The following CCDC88C variants were observed in gnomAD, a reference collection of about 807,000 sequenced individuals.
CCDC88C encodes the protein protein Daple.
A neutral mutation model predicts 198.8 loss-of-function variants in CCDC88C; 131 were observed. The ratio of observed to expected loss-of-function variants is 0.66; its 90% CI spans 0.57 to 0.76. The LOEUF is 0.76. Ranked by LOEUF, CCDC88C falls within the 30% of genes least tolerant of loss-of-function variation. The pLI, the probability that CCDC88C is intolerant of heterozygous loss-of-function variation, is 0.00. For missense variants in CCDC88C, 2,553 were observed against 2,631.6 expected (o/e 0.97, Z 0.65); for synonymous variants, 1,166 against 1,114.7 (o/e 1.05, Z -0.92).
chr14:91,405,309 A>G (rs1005289078), intron 3 of CCDC88C, among the ~76,000 whole-genome samples: 1 of 152,178 alleles, frequency 6.6e-6, no homozygotes, highest in Non-Finnish European at 1.5e-5. Flanking sequence ...AACAAAACCC[A>G]GAGCCAGAAT....
At position 91,273,477 on chromosome 14, in the gene CCDC88C, C is replaced by A; in HGVS notation, c.5235G>T (p.Leu1745=). ...TTGGCTTTACGTACTGCCCGGGCTTCAGCGGCCTCCCCTCCGAGGTGGGGG... is the reference window on the plus strand; with the variant it reads ...TTGGCTTTACGTACTGCCCGGGCTTAAGCGGCCTCCCCTCCGAGGTGGGGG... ...MAAPTSEGRP[L]KPGQYVKPNF... Residue 1745 remains leucine (L), a synonymous_variant, in exon 30 of 30, where the codon CTG becomes CTT. Transcript: ENST00000389857. The surrounding 1 kb of genome is among the most constrained non-coding windows in gnomAD (Gnocchi z 5.6). The A allele has an allele frequency of 6.4e-7, 1 of 1,565,384 alleles. No homozygotes were observed. The highest frequency in any genetic ancestry group is 8.7e-7 in the Non-Finnish European group (1 of 1,153,940).
At chr14:91,291,431 C>T (rs564275710) in intron 23 of CCDC88C, among the ~76,000 whole-genome samples, 1 of 152,186 alleles carries the variant, frequency 6.6e-6, no homozygotes, top group Non-Finnish European at 1.5e-5. Flanking sequence ...TGGGGTCAGG[C>T]AGAACCTACC....
chr14:91,326,165 C>A (rs1892575763), intron 10 of CCDC88C, 109 bp from the exon 11 acceptor site: 2 of 967,156 alleles, frequency 2.1e-6, no homozygotes, highest in South Asian at 1.6e-5. Flanking sequence ...AGCAAACAAT[C>A]TAGAGGGAAG....
chr14:91,329,602 T>A (rs1157214083), intron 10 of CCDC88C, among the ~76,000 whole-genome samples: 1 of 152,002 alleles, frequency 6.6e-6, no homozygotes, highest in African/African-American at 2.4e-5. Flanking sequence ...CAGGCAAGCA[T>A]CAAGGTCTGG....
rs77457453 is a variant in CCDC88C, at chr14:91,346,715, A to C, written c.341-3058T>G. On this transcript the variant is annotated intron_variant, in intron 4 of 29. Transcript: ENST00000389857. ...GGAGTTCGAAACCAGCCTGGCCAAC[A>C]TGGTGAAACCTCGACTCTACCAAAG... Among the ~76,000 whole-genome samples the C allele has an allele frequency of 1.7e-3, 256 of 152,290 alleles. 3 individuals are homozygous for C. In the East Asian group the frequency reaches 0.032, roughly 19 times the overall value.
intron 5 of CCDC88C, 112 bp downstream of exon 5, chr14:91,343,487 T>C: frequency 6.6e-7 from 1 of 1,507,590 alleles, no homozygotes; most frequent in Non-Finnish European, 8.9e-7. Flanking sequence ...TCTGTCATAT[T>C]GGACTGAAAG....
intron 10 of CCDC88C, among the ~76,000 whole-genome samples, chr14:91,331,084 G>T (rs1892804390): frequency 6.7e-6 from 1 of 148,742 alleles, no homozygotes; most frequent in African/African-American, 2.5e-5. Flanking sequence ...CCCTTTACTG[G>T]CAAGAGTGGC....
intron 4 of CCDC88C, among the ~76,000 whole-genome samples, chr14:91,349,828 G>A (rs996559013): frequency 2.0e-5 from 3 of 152,214 alleles, no homozygotes; most frequent in East Asian, 3.8e-4. Flanking sequence ...GATAGCACAC[G>A]TTTCTAAGGG....
chr14:91,316,461 C>T (rs1429187017), intron 13 of CCDC88C, among the ~76,000 whole-genome samples: 1 of 150,922 alleles, frequency 6.6e-6, no homozygotes, highest in Non-Finnish European at 1.5e-5. Context: ...TTGCTCTTGT[C>T]GCCCAGGATG....
chr14:91,359,555 G>A, intron 4 of CCDC88C, 87 bp downstream of exon 4: 2 of 1,045,222 alleles, frequency 1.9e-6, no homozygotes. Flanking sequence ...GGCCCAAGCT[G>A]GCAGCCGGAG....
intron 3 of CCDC88C, among the ~76,000 whole-genome samples, chr14:91,366,351 T>C (rs1319983071): frequency 6.6e-6 from 1 of 152,106 alleles, no homozygotes; most frequent in Admixed American, 6.5e-5. Flanking sequence ...CCAGGCACAG[T>C]GGCATGTGCC....
intron 17 of CCDC88C, among the ~76,000 whole-genome samples, chr14:91,307,527 T>A (rs1341885698): frequency 1.3e-5 from 2 of 152,164 alleles, no homozygotes; most frequent in Non-Finnish European, 2.9e-5. Flanking sequence ...ATCCACTCCC[T>A]CAAACAGAGG....
At position 91,339,364 on chromosome 14, in the gene CCDC88C, G is replaced by A. The variant is rs758260161; in HGVS notation, c.723C>T (p.Thr241=). The change falls in exon 8 of 30, where the codon ACC becomes ACT. Residue 241 remains threonine, a synonymous_variant. Transcript: ENST00000389857. This position sits in a 1 kb window ranked among gnomAD's most constrained non-coding sequence, Gnocchi z 5.8. ...SSSADSTPSP[T]SSLSSEDKQH... The stretch of plus-strand genomic sequence containing the variant: ...GCTTGTCTTCGCTAGAGAGGCTGCT[G>A]GTGGGGCTGGGAGTGGAGTCGGCGC... 6 of 1,613,748 alleles carry A rather than the reference G, an allele frequency of 3.7e-6. No individual in the cohort carries two copies. Among genetic ancestry groups the A allele is most frequent in the Non-Finnish European group, 5.1e-6 (6 of 1,179,862 alleles).
At chr14:91,398,653 T>C (rs551717847) in intron 3 of CCDC88C, among the ~76,000 whole-genome samples, 1 of 152,142 alleles carries the variant, frequency 6.6e-6, no homozygotes, top group South Asian at 2.1e-4. Flanking sequence ...TGAGACCCTG[T>C]CTCAAAAATA....
chr14:91,350,038 G>T (rs1029456814), intron 4 of CCDC88C, among the ~76,000 whole-genome samples: 1 of 152,254 alleles, frequency 6.6e-6, no homozygotes. Context: ...CAGACTACCA[G>T]TTAATGGAAG....
At chr14:91,281,562 G>T in intron 26 of CCDC88C, 37 bp from the exon 27 acceptor site, 1 of 1,593,210 alleles carries the variant, frequency 6.3e-7, no homozygotes, top group South Asian at 1.1e-5. Flanking sequence ...CATGGTTACG[G>T]AACATGCCTC....
chr14:91,396,420 T>G (rs1351534911), intron 3 of CCDC88C, among the ~76,000 whole-genome samples: 1 of 152,186 alleles, frequency 6.6e-6, no homozygotes, highest in Non-Finnish European at 1.5e-5. Flanking sequence ...ACTTTGGCGT[T>G]TAGGGTATGT....
At chr14:91,378,185 G>A (rs1884568624) in intron 3 of CCDC88C, among the ~76,000 whole-genome samples, 1 of 152,246 alleles carries the variant, frequency 6.6e-6, no homozygotes, top group South Asian at 2.1e-4. Flanking sequence ...AACAGTAGTT[G>A]AGGAAGTGCA....
intron 1 of CCDC88C, 78 bp downstream of exon 1, chr14:91,417,553 C>T (rs1887132836): frequency 2.9e-6 from 4 of 1,388,382 alleles, no homozygotes; most frequent in Non-Finnish European, 3.9e-6. Context: ...CCGGCCGTGT[C>T]GGGTCTGCGG....
Sources: allele counts gnomAD v4.1 joint callset (sites outside exome capture counted in the v4.1 genomes callset), GRCh38; gene constraint gnomAD v4.1.1; non-coding constraint Gnocchi (gnomAD v3.1); transcripts MANE v1.5; gene names NCBI Gene and HGNC (gene_info 2026-07-23, HGNC 2026-07-21).